The following FRMD4A variants were observed in gnomAD, a reference collection of about 807,000 sequenced individuals.
The protein encoded by FRMD4A is FERM domain-containing protein 4A.
FRMD4A carries 29 observed loss-of-function variants against 129.1 expected under a neutral mutation model. That is an observed-to-expected ratio of 0.22 (90% CI 0.17 to 0.31). FRMD4A has a LOEUF of 0.31. Among genes scored for constraint, FRMD4A ranks in the 10% least tolerant of loss-of-function variants. The probability of loss-of-function intolerance (pLI) is 1.00; values close to 1 mark genes in which losing one functional copy is unlikely to be tolerated. For synonymous variants in FRMD4A, 634 were observed against 571.6 expected, an observed-to-expected ratio of 1.11 and a Z score of -1.56; for missense variants, 1,272 against 1,375.8, an observed-to-expected ratio of 0.92 and a Z score of 1.19.
chr10:13,657,657 TCTCA>T (rs2082283507), intron 21 of FRMD4A, 135 bp from the exon 22 acceptor site: 1 of 1,288,924 alleles, frequency 7.8e-7, no homozygotes, highest in Non-Finnish European at 1.0e-6. Context: ...CAAGCCAGAG[TCTCA>T]CTCAGCAGGG....
At chr10:13,815,155 G>A (rs971539329) in intron 3 of FRMD4A, among the ~76,000 whole-genome samples, 1 of 152,160 alleles carries the variant, frequency 6.6e-6, no homozygotes, top group African/African-American at 2.4e-5. Flanking sequence ...AGAGATACCA[G>A]GCAGGCTGTC....
At chr10:13,956,624 G>T (rs763864860) in intron 2 of FRMD4A, among the ~76,000 whole-genome samples, 8 of 152,206 alleles carry the variant, frequency 5.3e-5, no homozygotes, top group Non-Finnish European at 1.0e-4. Context: ...CTCATCTTGT[G>T]TACGCCATGA....
chr10:13,660,175 G>A lies in FRMD4A; in HGVS notation c.1898+141C>T, dbSNP rs2082526181. The stretch of plus-strand genomic sequence containing the variant: ...CGGCAGCAGAGGGCGCTGTGAGCAC[G>A]GCCCCGTGAAAGGCAAACCCCACGG... On this transcript the variant is annotated intron_variant, in intron 20 of 24. Transcript: ENST00000357447. The A allele has an allele frequency of 4.1e-5, 25 of 614,112 alleles. No individual in the cohort carries two copies. In the South Asian group the frequency reaches 4.5e-4, roughly 11 times the overall value. The allele number at this position is 614,112 out of a possible 1,614,324, so 38.0% of individuals were successfully genotyped here.
chr10:14,165,687 A>C (rs1841135999), intron 2 of FRMD4A, among the ~76,000 whole-genome samples: 1 of 152,232 alleles, frequency 6.6e-6, no homozygotes, highest in South Asian at 2.1e-4. Flanking sequence ...AAAAAGAATG[A>C]ATCATGTCCT....
In FRMD4A at chr10:14,001,065, A is replaced by T. The variant is rs1358763388; in HGVS notation, c.46-142153T>A. Among the ~76,000 whole-genome samples the T allele has an allele frequency of 2.0e-5, 3 of 152,218 alleles. No individual in the cohort carries two copies. The East Asian group carries it at 5.8e-4, about 29-fold the overall frequency. On this transcript the variant is annotated intron_variant, in intron 2 of 24. Coordinates refer to ENST00000357447, the MANE Select transcript of FRMD4A (RefSeq NM_018027.5). ...TTTATGTAAAGTCACCAGAAAACAC[A>T]AAAACTAGCTGGTTTCCTTATGCTA...
rs143406003 is a variant in FRMD4A at position 14,143,181 on chromosome 10, G to A, written c.45+186877C>T. Reference sequence around the variant, plus strand: ...CAAGGACTCGAAGAGATAGTTGTACGTCCATCATTGCAGCATTATTTGCAA... The same window carrying A: ...CAAGGACTCGAAGAGATAGTTGTACATCCATCATTGCAGCATTATTTGCAA... On this transcript the variant is annotated intron_variant, in intron 2 of 24. Transcript: ENST00000357447. Among the ~76,000 whole-genome samples the A allele has an allele frequency of 4.1e-3, 631 of 152,340 alleles. 3 individuals are homozygous for A. Among genetic ancestry groups the A allele is most frequent in the African/African-American group, 0.014 (577 of 41,576 alleles).
chr10:14,230,034 G>A (rs1433413681), intron 2 of FRMD4A, among the ~76,000 whole-genome samples: 1 of 152,196 alleles, frequency 6.6e-6, no homozygotes, highest in East Asian at 1.9e-4. Context: ...TTGTGAGAGA[G>A]GTTTTCAGAG....
chr10:13,803,737 G>A lies in FRMD4A; in HGVS notation c.206+7077C>T, dbSNP rs146813799. Among the ~76,000 whole-genome samples, 976 of 152,244 alleles carry A rather than the reference G, an allele frequency of 6.4e-3. 8 individuals are homozygous for A. The highest frequency in any genetic ancestry group is 0.023 in the African/African-American group (937 of 41,538). The stretch of plus-strand genomic sequence containing the variant: ...AGGAGTCAAGGGCCAGTGCTTTCTG[G>A]ATCTCCAGTGGTTAAGAGCAGATGC... On this transcript the variant is annotated intron_variant, in intron 4 of 24. Coordinates refer to ENST00000357447, the MANE Select transcript of FRMD4A (RefSeq NM_018027.5).
At chr10:13,888,686 G>C (rs1327908519) in intron 2 of FRMD4A, among the ~76,000 whole-genome samples, 3 of 152,128 alleles carry the variant, frequency 2.0e-5, no homozygotes, top group African/African-American at 4.8e-5. Flanking sequence ...CCAAAAAAGA[G>C]AAATTCTGCC....
intron 2 of FRMD4A, among the ~76,000 whole-genome samples, chr10:14,084,689 C>A: frequency 6.6e-6 from 1 of 152,160 alleles, no homozygotes; most frequent in East Asian, 1.9e-4. Context: ...TGGGACACAA[C>A]CCTTCTGCCC....
intron 2 of FRMD4A, among the ~76,000 whole-genome samples, chr10:14,313,253 C>T (rs1436011909): frequency 6.6e-6 from 1 of 150,758 alleles, no homozygotes; most frequent in African/African-American, 2.4e-5. Context: ...TTCCCAGCTA[C>T]TCGGGAGGCT....
chr10:13,827,713 G>C (rs1318401690), intron 3 of FRMD4A, among the ~76,000 whole-genome samples: 1 of 152,178 alleles, frequency 6.6e-6, no homozygotes, highest in Non-Finnish European at 1.5e-5. Flanking sequence ...AGAGGGGTTC[G>C]GAGGTTCCGG....
chr10:13,945,672 A>T (rs1412584134), intron 2 of FRMD4A, among the ~76,000 whole-genome samples: 1 of 152,128 alleles, frequency 6.6e-6, no homozygotes, highest in African/African-American at 2.4e-5. Flanking sequence ...TGTGTTATAT[A>T]AGCTGGGCTG....
intron 21 of FRMD4A, among the ~76,000 whole-genome samples, chr10:13,658,588 AAAG>A (rs1255070408): frequency 7.2e-5 from 11 of 152,312 alleles, no homozygotes; most frequent in Non-Finnish European, 1.6e-4. Flanking sequence ...CTTTTTAGAA[AAAG>A]AAGGTGTGGC....
intron 2 of FRMD4A, among the ~76,000 whole-genome samples, chr10:14,200,204 T>C (rs1842595098): frequency 6.6e-6 from 1 of 150,750 alleles, no homozygotes; most frequent in Non-Finnish European, 1.5e-5. Flanking sequence ...TATATTTTTG[T>C]GTTGAAAATA....
chr10:13,670,751 T>G (rs1039915371), intron 16 of FRMD4A, among the ~76,000 whole-genome samples: 1 of 152,262 alleles, frequency 6.6e-6, no homozygotes, highest in African/African-American at 2.4e-5. Flanking sequence ...TGTAGAATAG[T>G]TGCACTTCCA....
intron 2 of FRMD4A, among the ~76,000 whole-genome samples, chr10:14,113,380 G>C (rs1471249776): frequency 6.6e-6 from 1 of 152,104 alleles, no homozygotes; most frequent in Non-Finnish European, 1.5e-5. Context: ...CTAATGAGTA[G>C]AAAATATATT....
At chr10:14,247,265 C>G (rs1391135481) in intron 2 of FRMD4A, among the ~76,000 whole-genome samples, 2 of 152,154 alleles carry the variant, frequency 1.3e-5, no homozygotes, top group African/African-American at 2.4e-5. Flanking sequence ...ATCTACACAA[C>G]TAGAGATAGA....
intron 6 of FRMD4A, among the ~76,000 whole-genome samples, chr10:13,768,646 G>C (rs1159437520): frequency 2.0e-5 from 3 of 152,158 alleles, no homozygotes; most frequent in Non-Finnish European, 4.4e-5. Flanking sequence ...AACATCTAAA[G>C]ATAATAGTGG....
Sources: allele counts gnomAD v4.1 joint callset (sites outside exome capture counted in the v4.1 genomes callset), GRCh38; gene constraint gnomAD v4.1.1; transcripts MANE v1.5; gene names NCBI Gene and HGNC (gene_info 2026-07-23, HGNC 2026-07-21).